The following TYR variants were observed in gnomAD, a reference collection of about 807,000 sequenced individuals.
The protein encoded by TYR is tyrosinase.
A neutral mutation model predicts 51.5 loss-of-function variants in TYR; 58 were observed. The observed-to-expected ratio is 1.13, with a 90% confidence interval of 0.91 to 1.40. The LOEUF is 1.40. Ranked by LOEUF, TYR falls within the 40% of genes most tolerant of loss-of-function variation. The pLI, the probability that TYR is intolerant of heterozygous loss-of-function variation, is 0.00. For missense variants in TYR, 732 were observed against 647.4 expected (o/e 1.13, Z -1.42); for synonymous variants, 263 against 235.2 (o/e 1.12, Z -1.08).
At chr11:89,203,994 G>A (rs543016515) in intron 2 of TYR, among the ~76,000 whole-genome samples, 2 of 152,320 alleles carry the variant, frequency 1.3e-5, no homozygotes, top group South Asian at 2.1e-4. Flanking sequence ...CCAGGGTGAT[G>A]TAAGAGAAGG....
chr11:89,205,508 T>A lies in TYR; in HGVS notation c.1036+14090T>A, dbSNP rs149479734. Among the ~76,000 whole-genome samples, 460 of 152,276 alleles carry A rather than the reference T, an allele frequency of 3.0e-3. 3 individuals carry two copies. Among genetic ancestry groups the A allele is most frequent in the African/African-American group, 9.9e-3 (413 of 41,562 alleles). On this transcript the variant is annotated intron_variant, in intron 2 of 4. Coordinates refer to ENST00000263321, the MANE Select transcript of TYR (RefSeq NM_000372.5). ...ATATTCAAAGTAGTGAGAAATTAAT[T>A]ATATCTTATCTATTGTGGAAAAAAA...
intron 2 of TYR, among the ~76,000 whole-genome samples, chr11:89,212,970 C>T (rs1167489399): frequency 2.0e-5 from 3 of 152,068 alleles, no homozygotes; most frequent in South Asian, 4.1e-4. Context: ...ATGACAAACC[C>T]GCAGCCAATA....
chr11:89,208,574 T>C (rs1336898694), intron 2 of TYR, among the ~76,000 whole-genome samples: 2 of 152,232 alleles, frequency 1.3e-5, no homozygotes, highest in African/African-American at 4.8e-5. Context: ...CACTTTGTTT[T>C]CTGCCAATTT....
chr11:89,249,684 T>C (rs1040520102), intron 3 of TYR, among the ~76,000 whole-genome samples: 2 of 151,982 alleles, frequency 1.3e-5, no homozygotes, highest in African/African-American at 4.8e-5. Flanking sequence ...ATAAGGAGCA[T>C]TTTTAAGTGG....
At chr11:89,235,910 T>C (rs779904728) in intron 3 of TYR, among the ~76,000 whole-genome samples, 1 of 152,120 alleles carries the variant, frequency 6.6e-6, no homozygotes. Context: ...CCACAATATA[T>C]ACATATATCA....
intron 3 of TYR, among the ~76,000 whole-genome samples, chr11:89,242,247 G>T (rs1944206700): frequency 1.3e-5 from 2 of 152,096 alleles, no homozygotes; most frequent in African/African-American, 4.8e-5. Flanking sequence ...TTTCTCTGTT[G>T]TCCAGGCTGG....
At chr11:89,251,896 C>T (rs1468204543) in intron 3 of TYR, among the ~76,000 whole-genome samples, 1 of 151,758 alleles carries the variant, frequency 6.6e-6, no homozygotes, top group Non-Finnish European at 1.5e-5. Context: ...ATGTAATTAC[C>T]TCTAGTACTC....
intron 3 of TYR, among the ~76,000 whole-genome samples, chr11:89,276,715 G>T (rs1163960336): frequency 6.6e-6 from 1 of 151,714 alleles, no homozygotes; most frequent in Non-Finnish European, 1.5e-5. Flanking sequence ...TCAAGATGAA[G>T]GTCAAGCAGA....
intron 2 of TYR, among the ~76,000 whole-genome samples, chr11:89,201,174 T>C (rs989209636): frequency 5.9e-5 from 9 of 152,170 alleles, no homozygotes; most frequent in Non-Finnish European, 1.2e-4. Context: ...GTTATCAATT[T>C]TTCTTAATTT....
At chr11:89,248,672 T>A (rs1329991253) in intron 3 of TYR, among the ~76,000 whole-genome samples, 2 of 152,216 alleles carry the variant, frequency 1.3e-5, no homozygotes, top group Non-Finnish European at 2.9e-5. Flanking sequence ...ATTATTTTAA[T>A]CCAGGTGCTG....
intron 3 of TYR, among the ~76,000 whole-genome samples, chr11:89,250,051 G>C (rs1464414073): frequency 2.0e-5 from 3 of 151,974 alleles, no homozygotes; most frequent in Non-Finnish European, 2.9e-5. Context: ...TTAAGGGGCT[G>C]GGGGCTGACT....
intron 3 of TYR, among the ~76,000 whole-genome samples, chr11:89,248,641 A>G (rs1944295536): frequency 6.6e-6 from 1 of 152,230 alleles, no homozygotes; most frequent in Non-Finnish European, 1.5e-5. Flanking sequence ...CCCTAAGTAC[A>G]GTATAGAGGA....
intron 2 of TYR, chr11:89,200,578 G>T (rs888842816): frequency 6.6e-6 from 1 of 151,986 alleles, no homozygotes; most frequent in African/African-American, 2.4e-5. Context: ...GAAATAAAAA[G>T]ATCTTGCATA....
chr11:89,231,633 G>C (rs983786430), intron 3 of TYR, among the ~76,000 whole-genome samples: 1 of 142,172 alleles, frequency 7.0e-6, no homozygotes, highest in African/African-American at 2.8e-5. Flanking sequence ...GTTACTGGGG[G>C]CTGGAGCTGG....
At chr11:89,195,776 T>C (rs191570812) in intron 2 of TYR, among the ~76,000 whole-genome samples, 75 of 152,284 alleles carry the variant, frequency 4.9e-4, no homozygotes, top group South Asian at 2.3e-3. Context: ...TTAGGTTAAA[T>C]AGGGGACCCT....
intron 3 of TYR, among the ~76,000 whole-genome samples, chr11:89,275,918 G>C (rs1486365470): frequency 6.6e-6 from 1 of 151,830 alleles, no homozygotes; most frequent in Non-Finnish European, 1.5e-5. Flanking sequence ...CCTTCAGGCT[G>C]AACTTAAAAT....
chr11:89,288,815 G>A (rs114899255), intron 4 of TYR, among the ~76,000 whole-genome samples: 3,109 of 151,998 alleles, frequency 0.02, 116 homozygotes, highest in African/African-American at 0.072. Context: ...TTTCCATATT[G>A]TTGCCTCTGT....
intron 3 of TYR, among the ~76,000 whole-genome samples, chr11:89,229,136 G>A (rs1254719690): frequency 6.6e-6 from 1 of 151,998 alleles, no homozygotes; most frequent in Non-Finnish European, 1.5e-5. Flanking sequence ...CATGTCCACA[G>A]GAACATGGAC....
chr11:89,200,375 C>T (rs952698287), intron 2 of TYR: 4 of 152,162 alleles, frequency 2.6e-5, no homozygotes, highest in African/African-American at 9.7e-5. Context: ...CCACACCTGG[C>T]CTAACTTCAA....
Sources: gnomAD v4.1 joint callset for allele counts (sites outside exome capture counted in the v4.1 genomes callset) on GRCh38, gnomAD v4.1.1 for gene constraint, MANE v1.5 for transcripts, NCBI Gene and HGNC (gene_info 2026-07-23, HGNC 2026-07-21) for gene names.